Variants in TMEM184B observed in about 807,000 individuals in gnomAD.
TMEM184B encodes transmembrane protein 184B.
A neutral mutation model predicts 41.8 loss-of-function variants in TMEM184B; 17 were observed. The observed-to-expected ratio is 0.41, with a 90% confidence interval of 0.28 to 0.61. TMEM184B has a LOEUF of 0.61. Ranked by LOEUF, TMEM184B falls within the 20% of genes least tolerant of loss-of-function variation. TMEM184B has a pLI of 0.34. For missense variants in TMEM184B, 393 were observed against 557.8 expected, an observed-to-expected ratio of 0.70 and a Z score of 2.98; for synonymous variants, 240 against 229.5, an observed-to-expected ratio of 1.05 and a Z score of -0.41.
chr22:38,243,973 G>T (rs1029474497), intron 3 of TMEM184B, among the ~76,000 whole-genome samples: 1 of 152,022 alleles, frequency 6.6e-6, no homozygotes, highest in African/African-American at 2.4e-5. Flanking sequence ...GGGAACAGAC[G>T]GATGGAAAGG....
At chr22:38,259,456 C>T (rs779348929) in intron 1 of TMEM184B, among the ~76,000 whole-genome samples, 1 of 152,098 alleles carries the variant, frequency 6.6e-6, no homozygotes, top group Non-Finnish European at 1.5e-5. Flanking sequence ...CAAGGGTCCT[C>T]GTAGGAGGAA....
At position 38,239,384 on chromosome 22, in the gene TMEM184B, G is replaced by GAGGGT. The variant is rs1234512523; in HGVS notation, c.358+6546_358+6550dup. ...TAACGCCACTGAAATGAGAAGGAATGAGGGTGGGGTGGGGAGCAAACCTTC... is the reference window on the plus strand; with the variant it reads ...TAACGCCACTGAAATGAGAAGGAATGAGGGTAGGGTGGGGTGGGGAGCAAACCTTC... On this transcript the variant is annotated intron_variant, in intron 3 of 8. Transcript: ENST00000361906. The surrounding 1 kb of genome is among the most constrained non-coding windows in gnomAD (Gnocchi z 4.6). 6.6e-6 allele frequency: 1 copy of GAGGGT among 152,426 alleles called. No homozygotes were observed. Among genetic ancestry groups the GAGGGT allele is most frequent in the African/African-American group, 2.4e-5 (1 of 41,462 alleles). 9.4% of individuals were successfully genotyped at this position (152,426 alleles called of 1,614,324 possible). A position where few individuals can be genotyped will look rare whatever the true frequency, so the allele number is the denominator to read the frequency against.
intron 2 of TMEM184B, among the ~76,000 whole-genome samples, chr22:38,247,423 C>A (rs1032970264): frequency 6.6e-6 from 1 of 152,206 alleles, no homozygotes; most frequent in Non-Finnish European, 1.5e-5. Flanking sequence ...TCGGAACCTG[C>A]GCTGCACTGG....
chr22:38,232,015 T>G (rs889520637), intron 3 of TMEM184B: 1 of 157,038 alleles, frequency 6.4e-6, no homozygotes, highest in Non-Finnish European at 1.4e-5. Context: ...TATTTATAAA[T>G]AAATATTTGT....
At position 38,220,794 on chromosome 22, in the gene TMEM184B, G is replaced by C; in HGVS notation, c.*675C>G. The C allele has an allele frequency of 3.0e-6, 3 of 986,100 alleles. No homozygotes were observed. The highest frequency in any genetic ancestry group is 3.6e-6 in the Non-Finnish European group (3 of 830,104). 61.1% of individuals were successfully genotyped at this position (986,100 alleles called of 1,614,324 possible). On this transcript the variant is annotated 3_prime_UTR_variant, in exon 9 of 9. Coordinates refer to ENST00000361906, the MANE Select transcript of TMEM184B (RefSeq NM_012264.5). ...AGGCAGAGGTGTGGCCACGACAGGTGGGGATACCCAGGGGCCCAGAAGCCC... is the reference window on the plus strand; with the variant it reads ...AGGCAGAGGTGTGGCCACGACAGGTCGGGATACCCAGGGGCCCAGAAGCCC...
chr22:38,220,679 C>A lies in TMEM184B; in HGVS notation c.*790G>T. The A allele has an allele frequency of 2.0e-6, 2 of 986,210 alleles. No individual in the cohort carries two copies. Among genetic ancestry groups the A allele is most frequent in the Non-Finnish European group, 2.4e-6 (2 of 830,172 alleles). The allele number at this position is 986,210 out of a possible 1,614,324, so 61.1% of individuals were successfully genotyped here. On this transcript the variant is annotated 3_prime_UTR_variant, in exon 9 of 9. Transcript: ENST00000361906. ...CTGAAGCAGCCAGGAAGCAAGGGCTCTGCCCAAAGCTATCGAGGAAGGACC... is the reference window on the plus strand; with the variant it reads ...CTGAAGCAGCCAGGAAGCAAGGGCTATGCCCAAAGCTATCGAGGAAGGACC...
intron 1 of TMEM184B, among the ~76,000 whole-genome samples, chr22:38,258,622 G>C (rs1395121276): frequency 6.6e-6 from 1 of 152,090 alleles, no homozygotes; most frequent in Admixed American, 6.6e-5. Flanking sequence ...TTTTAGAAAG[G>C]ATTATGCTGC....
rs367609202 is a variant in TMEM184B at position 38,222,812 on chromosome 22, C to G, written c.983-1102G>C. The G allele has an allele frequency of 1.4e-4, 96 of 669,044 alleles. 1 individual carries two copies. The South Asian group carries it at 5.6e-3, about 39-fold the overall frequency. 41.4% of individuals were successfully genotyped at this position (669,044 alleles called of 1,614,324 possible). On this transcript the variant is annotated intron_variant, in intron 8 of 8. Coordinates refer to ENST00000361906, the MANE Select transcript of TMEM184B (RefSeq NM_012264.5). ...GACACACCACACACCCTGTCCCCAC[C>G]CCCCCAGGCCCCACAGGGCACCCAG... is the stretch of plus-strand genomic sequence containing the variant.
At chr22:38,246,846 A>T in intron 2 of TMEM184B, 1 of 1,302,564 alleles carries the variant, frequency 7.7e-7, no homozygotes, top group Non-Finnish European at 1.0e-6. Flanking sequence ...GTCTCGTCCC[A>T]GCTCTCATGA....
In TMEM184B at chr22:38,272,883, C is replaced by A. The variant is rs2092546967; in HGVS notation, c.-59+1G>T. The A allele has an allele frequency of 9.4e-6, 8 of 855,480 alleles. No homozygotes were observed. The highest frequency in any genetic ancestry group is 1.1e-5 in the Non-Finnish European group (8 of 711,534). The allele number at this position is 855,480 out of a possible 1,614,324, so 53.0% of individuals were successfully genotyped here. On this transcript the variant is annotated splice_donor_variant, in intron 1 of 8. Transcript: ENST00000361906. LOFTEE classifies it low-confidence loss of function (5UTR_SPLICE). ...CGGGCGAGGCCGGCCAGGCGGGATACCTCAGGAGCCCATGGCGGTGGCGGC... is the reference window on the plus strand; with the variant it reads ...CGGGCGAGGCCGGCCAGGCGGGATAACTCAGGAGCCCATGGCGGTGGCGGC...
chr22:38,234,665 A>G (rs141470191), intron 3 of TMEM184B, among the ~76,000 whole-genome samples: 1 of 152,118 alleles, frequency 6.6e-6, no homozygotes, highest in African/African-American at 2.4e-5. Context: ...CCCTCTGCTC[A>G]CCGCAGAGGC....
intron 2 of TMEM184B, 134 bp downstream of exon 2, chr22:38,247,636 C>A: frequency 8.7e-7 from 1 of 1,153,856 alleles, no homozygotes; most frequent in Non-Finnish European, 1.2e-6. Flanking sequence ...AGACTTCTAT[C>A]GAGGGAAGCC....
chr22:38,272,840 G>A (rs2092546296), intron 1 of TMEM184B, 44 bp downstream of exon 1: 1 of 974,734 alleles, frequency 1.0e-6, no homozygotes, highest in Non-Finnish European at 1.2e-6. Context: ...GGGAGTCGCA[G>A]CTCCCCCTTG....
At chr22:38,246,150 C>T (rs531971663) in intron 2 of TMEM184B, 50 bp from the exon 3 acceptor site, 4 of 1,583,528 alleles carry the variant, frequency 2.5e-6, no homozygotes, top group South Asian at 1.1e-5. Flanking sequence ...TCCACAGGGA[C>T]GGGAGGGCAG....
chr22:38,272,465 A>C (rs1602522189), intron 1 of TMEM184B: 2 of 984,984 alleles, frequency 2.0e-6, no homozygotes, highest in Non-Finnish European at 2.4e-6. Flanking sequence ...GGTCACTGCC[A>C]CCCGCACAGG....
chr22:38,234,171 C>A (rs1798696306), intron 3 of TMEM184B, among the ~76,000 whole-genome samples: 1 of 152,158 alleles, frequency 6.6e-6, no homozygotes, highest in Non-Finnish European at 1.5e-5. Flanking sequence ...CCCTGAGTAA[C>A]CACAGCCAAA....
downstream of TMEM184B, among the ~76,000 whole-genome samples, chr22:38,216,716 T>C (rs1297226016): frequency 6.6e-6 from 1 of 151,910 alleles, no homozygotes; most frequent in Non-Finnish European, 1.5e-5. Context: ...CAGGAGCTCC[T>C]GGGAAGACAA....
At chr22:38,228,202 CCT>C (rs1250691612) in intron 5 of TMEM184B, among the ~76,000 whole-genome samples, 3 of 152,166 alleles carry the variant, frequency 2.0e-5, no homozygotes, top group African/African-American at 7.2e-5. Context: ...CGTCCCTGGC[CCT>C]GTCATCCCGC....
At chr22:38,249,474 T>C (rs2092115678) in intron 1 of TMEM184B, among the ~76,000 whole-genome samples, 1 of 152,184 alleles carries the variant, frequency 6.6e-6, no homozygotes, top group African/African-American at 2.4e-5. Context: ...CACTGCTTGT[T>C]TCCAAAGATC....
Sources: allele counts gnomAD v4.1 joint callset (sites outside exome capture counted in the v4.1 genomes callset), GRCh38; gene constraint gnomAD v4.1.1; non-coding constraint Gnocchi (gnomAD v3.1); transcripts MANE v1.5; gene names NCBI Gene and HGNC (gene_info 2026-07-23, HGNC 2026-07-21).